Variants in CIT observed in about 807,000 individuals in gnomAD.
The protein encoded by CIT is citron Rho-interacting kinase.
In CIT, 79 loss-of-function variants were observed where a neutral mutation model predicts 272.7. The observed-to-expected ratio is 0.29, with a 90% CI of 0.24 to 0.35. CIT has a LOEUF of 0.35. Ranked by LOEUF, CIT falls within the 10% of genes least tolerant of loss-of-function variation. CIT has a pLI of 1.00. For missense variants in CIT, 1,909 were observed against 2,618.3 expected (o/e 0.73, Z 5.91); for synonymous variants, 948 against 995.6 (o/e 0.95, Z 0.90).
intron 7 of CIT, among the ~76,000 whole-genome samples, chr12:119,828,259 T>C (rs1335138978): frequency 6.6e-6 from 1 of 152,248 alleles, no homozygotes; most frequent in Non-Finnish European, 1.5e-5. Flanking sequence ...TGCATAATAG[T>C]GATTAGCAAA....
At chr12:119,874,579 A>G (rs1485473188) in intron 2 of CIT, among the ~76,000 whole-genome samples, 1 of 152,150 alleles carries the variant, frequency 6.6e-6, no homozygotes, top group African/African-American at 2.4e-5. Flanking sequence ...TAATCTTATG[A>G]TATTAAGTTT....
chr12:119,710,322 T>A lies in CIT; in HGVS notation c.5000A>T (p.His1667Leu). ...ALNVLKNSLT[H>L]VPGIGAVFQI... is the part of the protein sequence containing the mutation. ...GAAGACTGCTCCAATTCCTGGGACA[T>A]GGGTTAGGGAGTTTTTCAAGACATT... Residue 1667 changes from histidine to leucine, a missense_variant, in exon 39 of 48, where the codon CAT (histidine) becomes CTT (leucine). Around this residue, in one of 8 missense-constraint regions of CIT, gnomAD observed 780 missense variants for 1,067.2 expected, o/e 0.73. Transcript: ENST00000392521. The surrounding 1 kb of genome is among the most constrained non-coding windows in gnomAD (Gnocchi z 5.6). 6.2e-7 allele frequency: 1 copy of A among 1,614,142 alleles called. No homozygotes were observed. Among genetic ancestry groups the A allele is most frequent in the South Asian group, 1.1e-5 (1 of 91,074 alleles).
intron 7 of CIT, among the ~76,000 whole-genome samples, chr12:119,826,279 C>G (rs893770040): frequency 1.3e-5 from 2 of 152,124 alleles, no homozygotes; most frequent in African/African-American, 2.4e-5. Context: ...TTCCCTCCCC[C>G]ACCGTTCAGA....
intron 5 of CIT, among the ~76,000 whole-genome samples, chr12:119,846,620 T>C (rs914809464): frequency 2.6e-5 from 4 of 152,080 alleles, no homozygotes; most frequent in Admixed American, 2.6e-4. Flanking sequence ...TATCTAAAAA[T>C]AGGCTGGGTG....
At chr12:119,760,186 C>CAAAA (rs556831232) in intron 20 of CIT, among the ~76,000 whole-genome samples, 2 of 63,022 alleles carry the variant, frequency 3.2e-5, no homozygotes, top group South Asian at 5.8e-4. Context: ...GATTCCATCT[C>CAAAA]AAAAAAAAAA....
chr12:119,699,399 T>A (rs1171317865), intron 44 of CIT, among the ~76,000 whole-genome samples: 1 of 152,184 alleles, frequency 6.6e-6, no homozygotes, highest in East Asian at 1.9e-4. Flanking sequence ...CTGGAAATAT[T>A]TTCTGCCTTA....
At position 119,831,732 on chromosome 12, in the gene CIT, G is replaced by A. The variant is rs530484878; in HGVS notation, c.753+1039C>T. On this transcript the variant is annotated intron_variant, in intron 7 of 47. Transcript: ENST00000392521. ...AAAATACAAAAAATTAGCTGGGCAT[G>A]GTGGCGGGCGCTTGCAGTCCCAGCT... Among the ~76,000 whole-genome samples, 652 of 152,292 alleles carry A rather than the reference G, an allele frequency of 4.3e-3. 5 individuals are homozygous for A. Among genetic ancestry groups the A allele is most frequent in the African/African-American group, 0.014 (590 of 41,560 alleles).
chr12:119,755,375 A>T (rs1237943987), intron 22 of CIT, among the ~76,000 whole-genome samples: 1 of 152,246 alleles, frequency 6.6e-6, no homozygotes, highest in East Asian at 1.9e-4. Context: ...ACTTCATTTT[A>T]ATACTCCAAG....
chr12:119,832,833 G>A lies in CIT; in HGVS notation c.691C>T (p.Arg231Cys), dbSNP rs545710131. The change falls in exon 7 of 48, where the codon CGC (arginine) becomes TGC (cysteine). Residue 231 changes from arginine (R) to cysteine (C), a missense_variant. Physicochemically the swap from Arg to Cys is radical, Grantham distance 180. Around this residue, in one of 8 missense-constraint regions of CIT, gnomAD observed 529 missense variants for 549.6 expected, o/e 0.96. Transcript: ENST00000392521. ...TCCACCAGCTTGATGTGTCCTGTGC[G>A]GTCAACGAGAATGTTCTCAGGCTTG... Reference protein sequence around the residue: ...DIKPENILVDRTGHIKLVDFG... With the variant: ...DIKPENILVDCTGHIKLVDFG... 1.5e-4 allele frequency: 244 copies of A among 1,613,770 alleles called. 2 individuals are homozygous for A. In the South Asian group the frequency reaches 2.2e-3, roughly 14 times the overall value.
chr12:119,852,245 T>C (rs2138262503), intron 4 of CIT, among the ~76,000 whole-genome samples: 3 of 152,190 alleles, frequency 2.0e-5, no homozygotes, highest in Middle Eastern at 3.4e-3. Flanking sequence ...AATCTAAACA[T>C]AAGCAACATC....
At chr12:119,762,457 G>A (rs1961923743) in intron 19 of CIT, among the ~76,000 whole-genome samples, 1 of 152,150 alleles carries the variant, frequency 6.6e-6, no homozygotes, top group Non-Finnish European at 1.5e-5. Flanking sequence ...GAAACACAAA[G>A]CAGAACAGGC....
Position 119,804,472 on chromosome 12 carries a change from G to T in CIT, c.1112-1083C>A. 2 of 985,784 alleles carry T rather than the reference G, an allele frequency of 2.0e-6. No individual in the cohort carries two copies. The highest frequency in any genetic ancestry group is 1.2e-6 in the Non-Finnish European group (1 of 830,196). 61.1% of individuals were successfully genotyped at this position (985,784 alleles called of 1,614,324 possible). ...CACCTGGCTGCCGCCTGCCTGCCAG[G>T]GGCCAGTGCTGATCCCAGTGACAGA... On this transcript the variant is annotated intron_variant, in intron 9 of 47. Transcript: ENST00000392521. This position sits in a 1 kb window ranked among gnomAD's most constrained non-coding sequence, Gnocchi z 5.3.
chr12:119,858,191 C>T (rs747739055), intron 3 of CIT, among the ~76,000 whole-genome samples: 9 of 152,136 alleles, frequency 5.9e-5, no homozygotes, highest in Non-Finnish European at 8.8e-5. Flanking sequence ...ATCCATAAAG[C>T]CTTCGTAGAT....
Position 119,686,042 on chromosome 12 carries a change from T to C in CIT, c.*2190A>G, listed in dbSNP as rs1161100575. The C allele has an allele frequency of 6.6e-6, 1 of 152,570 alleles. No individual in the cohort carries two copies. Among genetic ancestry groups the C allele is most frequent in the Non-Finnish European group, 1.5e-5 (1 of 68,030 alleles). The allele number at this position is 152,570 out of a possible 1,614,324, so 9.5% of individuals were successfully genotyped here. ...GGAGCTCCCCACCCTCCAGTGAAGA[T>C]GGCTGTCCACAACTACCACCATTGA... is the stretch of plus-strand genomic sequence containing the variant. On this transcript the variant is annotated 3_prime_UTR_variant, in exon 48 of 48. Coordinates refer to ENST00000392521, the MANE Select transcript of CIT (RefSeq NM_001206999.2).
chr12:119,767,507 T>A (rs546352923), intron 18 of CIT, among the ~76,000 whole-genome samples: 16 of 152,240 alleles, frequency 1.1e-4, no homozygotes, highest in Non-Finnish European at 1.9e-4. Flanking sequence ...CACTGGAAAG[T>A]TTAGTACATG....
At chr12:119,704,776 TG>T (rs1715168619) in intron 40 of CIT, among the ~76,000 whole-genome samples, 1 of 152,196 alleles carries the variant, frequency 6.6e-6, no homozygotes, top group South Asian at 2.1e-4. Context: ...GGGAGGCACC[TG>T]ACACCACACA....
At chr12:119,863,117 A>G (rs964014791) in intron 3 of CIT, among the ~76,000 whole-genome samples, 151 of 142,530 alleles carry the variant, frequency 1.1e-3, no homozygotes, top group African/African-American at 4.0e-3. Flanking sequence ...CAAGAGAATC[A>G]CTTGAACCCG....
At chr12:119,805,980 CA>C (rs1250769771) in intron 9 of CIT, among the ~76,000 whole-genome samples, 2 of 151,506 alleles carry the variant, frequency 1.3e-5, no homozygotes, top group Non-Finnish European at 2.9e-5. Context: ...ATTAAAAATA[CA>C]AAAAAATTAG....
intron 30 of CIT, among the ~76,000 whole-genome samples, chr12:119,719,593 C>T (rs955087845): frequency 3.7e-4 from 57 of 152,180 alleles, no homozygotes; most frequent in African/African-American, 1.3e-3. Flanking sequence ...GGGAGGCGGC[C>T]TCTGAATGTT....
Sources: allele counts gnomAD v4.1 joint callset (sites outside exome capture counted in the v4.1 genomes callset), GRCh38; gene constraint gnomAD v4.1.1; regional missense constraint gnomAD v4.1.1; non-coding constraint Gnocchi (gnomAD v3.1); transcripts MANE v1.5; gene names NCBI Gene and HGNC (gene_info 2026-07-23, HGNC 2026-07-21).